Variants in CPNE3 observed in about 807,000 individuals in gnomAD.
CPNE3 encodes the protein copine 3.
Under a neutral mutation model 63.9 loss-of-function variants are expected in CPNE3, and 68 were observed. The observed-to-expected ratio is 1.06, with a 90% CI of 0.87 to 1.30. The LOEUF is 1.30. Ranked by LOEUF, CPNE3 falls within the 50% of genes most tolerant of loss-of-function variation. CPNE3 has a pLI of 0.00. For synonymous variants in CPNE3, 219 were observed against 197.5 expected (o/e 1.11, Z -0.91); for missense variants, 665 against 578.1 (o/e 1.15, Z -1.54).
chr8:86,528,413 C>G (rs1406663071), intron 2 of CPNE3, 123 bp from the exon 3 acceptor site: 1 of 1,006,654 alleles, frequency 9.9e-7, no homozygotes, highest in African/African-American at 1.6e-5. Context: ...CTGATTCTGG[C>G]AAGTTCACTC....
Position 86,551,171 on chromosome 8 carries a change from C to T in CPNE3, c.1069-12C>T, listed in dbSNP as rs1272340183. On this transcript the variant is annotated splice_polypyrimidine_tract_variant and intron_variant, in intron 13 of 16. Coordinates refer to ENST00000517490, the MANE Select transcript of CPNE3 (RefSeq NM_003909.5). ...GCCCAGCCCTCATCAGTCCTTTGTC[C>T]ATCTTTGACAGGTATCACATGAATT... 1.5e-5 allele frequency: 25 copies of T among 1,612,994 alleles called. No homozygotes were observed. Among genetic ancestry groups the T allele is most frequent in the Non-Finnish European group, 1.8e-5 (21 of 1,179,168 alleles).
At chr8:86,521,838 TG>T (rs1820439978) in intron 2 of CPNE3, 1 of 152,222 alleles carries the variant, frequency 6.6e-6, no homozygotes, top group Non-Finnish European at 1.5e-5. Flanking sequence ...ATTCAGACAC[TG>T]GAGTGCCTTA....
At position 86,529,029 on chromosome 8, in the gene CPNE3, C is replaced by T; in HGVS notation, c.217C>T (p.Gln73Ter). The change falls in exon 4 of 17, where the codon CAG (glutamine) becomes TAG (stop). Residue 73 changes from glutamine (Q) to a stop codon, truncating the protein, a stop_gained. Transcript: ENST00000517490. LOFTEE classifies it high-confidence loss of function. ...TATTGATTACTACTTTGAAGTGGTT[C>T]AGAAATTGAAATTTGGGGTTTATGA... ...FIIDYYFEVV[Q>*]KLKFGVYDID... 2 of 1,613,646 alleles carry T rather than the reference C, an allele frequency of 1.2e-6. No homozygotes were observed. The highest frequency in any genetic ancestry group is 1.7e-6 in the Non-Finnish European group (2 of 1,179,728).
At chr8:86,533,483 A>T (rs1293959489) in intron 6 of CPNE3, among the ~76,000 whole-genome samples, 1 of 152,148 alleles carries the variant, frequency 6.6e-6, no homozygotes, top group East Asian at 1.9e-4. Flanking sequence ...GTGAGCAGTG[A>T]TCATGCATTC....
At chr8:86,519,424 A>G (rs759745242) in intron 2 of CPNE3, among the ~76,000 whole-genome samples, 3 of 152,196 alleles carry the variant, frequency 2.0e-5, no homozygotes, top group Non-Finnish European at 4.4e-5. Context: ...AGCATCAGCA[A>G]TGGTATCACT....
At chr8:86,556,554 T>C (rs534236977) in intron 16 of CPNE3, among the ~76,000 whole-genome samples, 3 of 152,362 alleles carry the variant, frequency 2.0e-5, no homozygotes, top group South Asian at 4.1e-4. Flanking sequence ...TAAAATAGTA[T>C]TGTGACTCTC....
At chr8:86,518,518 G>A (rs141207599) in intron 2 of CPNE3, among the ~76,000 whole-genome samples, 2,023 of 152,192 alleles carry the variant, frequency 0.013, 23 homozygotes, top group Non-Finnish European at 0.019. Context: ...GAGGGTAAAC[G>A]GTGATTCACT....
At chr8:86,532,407 A>G (rs113449705) in intron 5 of CPNE3, 102 bp from the exon 6 acceptor site, 6 of 679,278 alleles carry the variant, frequency 8.8e-6, no homozygotes, top group African/African-American at 7.4e-5. Flanking sequence ...ATTCATTTAT[A>G]TTAGTGTAGG....
Position 86,558,575 on chromosome 8 carries a change from G to GT in CPNE3, c.*165_*166insT. ...GCATTCTTTCTAGGTTATTTTGGGG[G>GT]GACAGTGCCAAGTCCATCTTTGCCC... On this transcript the variant is annotated 3_prime_UTR_variant, in exon 17 of 17. Coordinates refer to ENST00000517490, the MANE Select transcript of CPNE3 (RefSeq NM_003909.5). 5.1e-6 allele frequency: 3 copies of GT among 587,970 alleles called. No individual in the cohort carries two copies. The highest frequency in any genetic ancestry group is 2.4e-5 in the South Asian group (1 of 42,116). 36.4% of individuals were successfully genotyped at this position (587,970 alleles called of 1,614,324 possible).
At chr8:86,549,035 A>T (rs2131488313) in intron 12 of CPNE3, among the ~76,000 whole-genome samples, 1 of 152,330 alleles carries the variant, frequency 6.6e-6, no homozygotes, top group East Asian at 1.9e-4. Flanking sequence ...AAAGATTTAA[A>T]TAGGTCCTAT....
intron 6 of CPNE3, among the ~76,000 whole-genome samples, chr8:86,533,024 T>TTATG (rs1820716196): frequency 6.9e-6 from 1 of 145,504 alleles, no homozygotes; most frequent in Non-Finnish European, 1.5e-5. Flanking sequence ...TTTATCTATC[T>TTATG]TATCTATCTA....
chr8:86,528,623 G>A lies in CPNE3; in HGVS notation c.78G>A (p.Lys26=). 6.2e-7 allele frequency: 1 copy of A among 1,614,054 alleles called. No homozygotes were observed. Among genetic ancestry groups the A allele is most frequent in the Non-Finnish European group, 8.5e-7 (1 of 1,179,956 alleles). Residue 26 remains lysine, a synonymous_variant, in exon 3 of 17, where the codon AAG becomes AAA. Coordinates refer to ENST00000517490, the MANE Select transcript of CPNE3 (RefSeq NM_003909.5). ...ANLLDKDIGS[K]SDPLCVLFLN... ...TTTTGGATAAAGATATAGGGTCAAA[G>A]TCAGACCCTTTATGTGTGTTGTTTT...
At chr8:86,555,905 C>T (rs1365460234) in intron 15 of CPNE3, among the ~76,000 whole-genome samples, 197 bp from the exon 16 acceptor site, 5 of 152,156 alleles carry the variant, frequency 3.3e-5, no homozygotes, top group Admixed American at 6.5e-5. Flanking sequence ...TGGTCTGCTG[C>T]GCTTTTAATG....
chr8:86,529,144 G>A lies in CPNE3; in HGVS notation c.312+20G>A, dbSNP rs370469015. On this transcript the variant is annotated intron_variant, in intron 4 of 16. Coordinates refer to ENST00000517490, the MANE Select transcript of CPNE3 (RefSeq NM_003909.5). ...GGACAAGTAAGTATAAATAGCCACT[G>A]TACTCTATTTTGTCTAAATTTTAAT... 2.5e-6 allele frequency: 4 copies of A among 1,581,782 alleles called. No individual in the cohort carries two copies. The South Asian group carries it at 4.6e-5, about 18-fold the overall frequency.
In CPNE3 at chr8:86,540,300, C is replaced by T; in HGVS notation, c.599C>T (p.Ser200Leu). The change falls in exon 8 of 17, where the codon TCA (serine) becomes TTA (leucine). Residue 200 changes from serine (S) to leucine (L), a missense_variant. By Grantham distance (145) the Ser-to-Leu change is moderately radical. Transcript: ENST00000517490. Reference sequence around the variant, plus strand: ...AGGCCTTTCAAGATCTCTCTTAACTCACTGTGTTACGGAGATATGGACAAA... The same window carrying T: ...AGGCCTTTCAAGATCTCTCTTAACTTACTGTGTTACGGAGATATGGACAAA... Reference protein sequence around the residue: ...VWRPFKISLNSLCYGDMDKTI... With the variant: ...VWRPFKISLNLLCYGDMDKTI... 1 of 1,598,872 alleles carries T rather than the reference C, an allele frequency of 6.3e-7. No individual in the cohort carries two copies. Among genetic ancestry groups the T allele is most frequent in the Non-Finnish European group, 8.5e-7 (1 of 1,173,414 alleles).
chr8:86,545,823 G>T (rs1455274729), intron 9 of CPNE3, among the ~76,000 whole-genome samples: 2 of 152,168 alleles, frequency 1.3e-5, no homozygotes, highest in Non-Finnish European at 2.9e-5. Flanking sequence ...TAAGTTGGAG[G>T]TGATTATAAT....
At position 86,554,967 on chromosome 8, in the gene CPNE3, C is replaced by G. The variant is rs1563701904; in HGVS notation, c.1237C>G (p.Gln413Glu). Residue 413 changes from glutamine (Q) to glutamate (E), a missense_variant, in exon 15 of 17, where the codon CAA becomes GAA. Coordinates refer to ENST00000517490, the MANE Select transcript of CPNE3 (RefSeq NM_003909.5). ...GGCCAGGTTTGCTGCTGCAGCCACG[C>G]AACAGCAGACAGCTTCTGTAAGTGC... The part of the protein sequence containing the change: ...HVARFAAAAT[Q>E]QQTASQYFVL... 2 of 1,614,110 alleles carry G rather than the reference C, an allele frequency of 1.2e-6. No homozygotes were observed. The highest frequency in any genetic ancestry group is 3.3e-5 in the Admixed American group (2 of 60,020).
At chr8:86,533,933 A>G (rs1346060726) in intron 6 of CPNE3, among the ~76,000 whole-genome samples, 1 of 151,886 alleles carries the variant, frequency 6.6e-6, no homozygotes, top group South Asian at 2.1e-4. Flanking sequence ...AATTTATTCA[A>G]TGGAGAAAAC....
At chr8:86,556,659 A>C (rs930321904) in intron 16 of CPNE3, among the ~76,000 whole-genome samples, 2 of 152,220 alleles carry the variant, frequency 1.3e-5, no homozygotes, top group East Asian at 1.9e-4. Flanking sequence ...AGTTTGATGA[A>C]TATCTCTTAG....
Sources: allele counts gnomAD v4.1 joint callset (sites outside exome capture counted in the v4.1 genomes callset), GRCh38; gene constraint gnomAD v4.1.1; transcripts MANE v1.5; gene names NCBI Gene and HGNC (gene_info 2026-07-23, HGNC 2026-07-21).